NEDD1: variants seen among roughly 807,000 people sequenced by gnomAD.
The protein encoded by NEDD1 is protein NEDD1.
A neutral mutation model predicts 74.0 loss-of-function variants in NEDD1; 33 were observed. That is an observed-to-expected ratio of 0.45 (90% CI 0.34 to 0.60). The LOEUF is 0.60. Ranked by LOEUF, NEDD1 falls within the 20% of genes least tolerant of loss-of-function variation. The pLI is 0.01. For synonymous variants in NEDD1, 250 were observed against 264.4 expected, an observed-to-expected ratio of 0.95 and a Z score of 0.53; for missense variants, 746 against 776.5, an observed-to-expected ratio of 0.96 and a Z score of 0.47.
chr12:96,926,783 A>G, intron 6 of NEDD1, among the ~76,000 whole-genome samples: 1 of 152,014 alleles, frequency 6.6e-6, no homozygotes, highest in East Asian at 1.9e-4. Flanking sequence ...ACTTGAGCCC[A>G]GGAGACCAGC....
chr12:96,909,701 T>A, intron 2 of NEDD1, 51 bp from the exon 3 acceptor site: 4 of 1,457,322 alleles, frequency 2.7e-6, no homozygotes, highest in Non-Finnish European at 3.8e-6. Flanking sequence ...TTTTTTTGAG[T>A]ATGTCTATTC....
In NEDD1 at chr12:96,907,271, C is replaced by G. The variant is rs1388057479; in HGVS notation, c.-291C>G. ...GCCGGAAGCCCAGCGCGGAGCCGGC[C>G]GCGGCCCCCTGTTGTGTTGCTGCGG... On this transcript the variant is annotated 5_prime_UTR_variant, in exon 1 of 16. Transcript: ENST00000266742. 4.0e-6 allele frequency: 1 copy of G among 249,228 alleles called. No individual in the cohort carries two copies. The highest frequency in any genetic ancestry group is 7.6e-6 in the Non-Finnish European group (1 of 132,102). 15.4% of individuals were successfully genotyped at this position (249,228 alleles called of 1,614,324 possible).
At chr12:96,916,109 T>C (rs1184855718) in intron 4 of NEDD1, among the ~76,000 whole-genome samples, 1 of 152,006 alleles carries the variant, frequency 6.6e-6, no homozygotes, top group Non-Finnish European at 1.5e-5. Context: ...TCAGTATGGC[T>C]GGAGAATTAG....
chr12:96,948,233 G>A (rs1031014675), intron 14 of NEDD1, among the ~76,000 whole-genome samples: 1 of 152,076 alleles, frequency 6.6e-6, no homozygotes, highest in Non-Finnish European at 1.5e-5. Flanking sequence ...CAGCCCTCCT[G>A]TTACACTTGT....
chr12:96,932,455 A>AT, intron 6 of NEDD1, among the ~76,000 whole-genome samples: 1 of 13,840 alleles, frequency 7.2e-5, no homozygotes, highest in Non-Finnish European at 1.6e-4. Context: ...AAAAAAAAAA[A>AT]AAAAAAAAAT....
At chr12:96,931,393 G>A (rs1252172262) in intron 6 of NEDD1, among the ~76,000 whole-genome samples, 2 of 152,118 alleles carry the variant, frequency 1.3e-5, no homozygotes, top group African/African-American at 4.8e-5. Flanking sequence ...AATAGGGAAG[G>A]TATTTACAAT....
rs1186193892 is a variant in NEDD1, at chr12:96,923,829, T to TGTGTGTGTGTGA, written c.489+3705_489+3706insTGTGTGTGTGAG. ...GTGTGTGTGTGTGTGTGTGTGTGTG[T>TGTGTGTGTGTGA]GAAACTGTATGCCTGTTTGCGTGTG... is the stretch of plus-strand genomic sequence containing the variant. On this transcript the variant is annotated intron_variant, in intron 6 of 15. Coordinates refer to ENST00000266742, the MANE Select transcript of NEDD1 (RefSeq NM_152905.4). Among the ~76,000 whole-genome samples the TGTGTGTGTGTGA allele has an allele frequency of 4.5e-4, 66 of 147,510 alleles. 1 individual carries two copies. Among genetic ancestry groups the TGTGTGTGTGTGA allele is most frequent in the East Asian group, 1.2e-3 (6 of 5,092 alleles).
chr12:96,920,573 A>G (rs1158348397), intron 6 of NEDD1, among the ~76,000 whole-genome samples: 1 of 152,194 alleles, frequency 6.6e-6, no homozygotes, highest in African/African-American at 2.4e-5. Context: ...TTTTGTAGAT[A>G]TATGATAAAG....
In NEDD1 at chr12:96,937,433, TTTTTTTTG is replaced by T. The variant is rs781718412; in HGVS notation, c.1117+54_1117+61del. On this transcript the variant is annotated intron_variant, in intron 9 of 15. Coordinates refer to ENST00000266742, the MANE Select transcript of NEDD1 (RefSeq NM_152905.4). ...TATATTGTTGGAGGGTTGGTTTGTT[TTTTTTTTG>T]TTTTTTTGTTTTTGGCTTGCATATA... The T allele has an allele frequency of 5.2e-5, 61 of 1,176,304 alleles. No individual in the cohort carries two copies. In the African/African-American group the frequency reaches 1.0e-3, roughly 20 times the overall value. The allele number at this position is 1,176,304 out of a possible 1,614,324, so 72.9% of individuals were successfully genotyped here. A position where few individuals can be genotyped will look rare whatever the true frequency, so the allele number is the denominator to read the frequency against.
chr12:96,937,139 T>C, intron 8 of NEDD1, 59 bp from the exon 9 acceptor site: 1 of 912,104 alleles, frequency 1.1e-6, no homozygotes, highest in Non-Finnish European at 1.6e-6. Flanking sequence ...TTATAAAATA[T>C]TAATGTATAG....
chr12:96,922,373 A>G (rs1222644844), intron 6 of NEDD1, among the ~76,000 whole-genome samples: 1 of 152,206 alleles, frequency 6.6e-6, no homozygotes, highest in Non-Finnish European at 1.5e-5. Flanking sequence ...TAATGTTCAA[A>G]TATCTTTTTT....
intron 9 of NEDD1, among the ~76,000 whole-genome samples, chr12:96,938,516 G>A (rs978428710): frequency 3.9e-5 from 6 of 151,922 alleles, no homozygotes; most frequent in African/African-American, 1.4e-4. Context: ...TAGTTTTATA[G>A]TAAGAAGGCT....
chr12:96,920,056 TG>T lies in NEDD1; in HGVS notation c.422del (p.Gly141ValfsTer8). On this transcript the variant is annotated frameshift_variant, in exon 6 of 16. Transcript: ENST00000266742. LOFTEE classifies it high-confidence loss of function. ...DCYIASGSLS[G>X]EIILHSVTTN... ...GCTACATTGCTTCTGGATCTCTTAG[TG>T]GTGAAATTATTTTACACAGTGTAAC... 6.2e-7 allele frequency: 1 copy of T among 1,603,956 alleles called. No individual in the cohort carries two copies. The highest frequency in any genetic ancestry group is 8.5e-7 in the Non-Finnish European group (1 of 1,171,170).
At chr12:96,935,265 G>T (rs1377814224) in intron 7 of NEDD1, 60 bp downstream of exon 7, 2 of 1,017,866 alleles carry the variant, frequency 2.0e-6, no homozygotes, top group African/African-American at 1.6e-5. Flanking sequence ...CCATTAACAG[G>T]CATATTTGTG....
intron 2 of NEDD1, 97 bp from the exon 3 acceptor site, chr12:96,909,655 G>T: frequency 1.1e-6 from 1 of 929,620 alleles, no homozygotes; most frequent in Non-Finnish European, 1.6e-6. Flanking sequence ...AAAAATGAAT[G>T]AGTTAGAGCC....
intron 4 of NEDD1, among the ~76,000 whole-genome samples, chr12:96,915,343 G>A (rs936876310): frequency 3.3e-5 from 5 of 152,160 alleles, no homozygotes; most frequent in African/African-American, 1.2e-4. Flanking sequence ...AGATTAGCAT[G>A]TTTATAGTAT....
intron 13 of NEDD1, among the ~76,000 whole-genome samples, chr12:96,945,265 G>A (rs249588): frequency 0.51 from 77,873 of 151,784 alleles, 20,638 homozygotes; most frequent in African/African-American, 0.63. Context: ...TCTATATTTT[G>A]CTTGAAGTTT....
intron 6 of NEDD1, among the ~76,000 whole-genome samples, chr12:96,930,037 ATTGT>A (rs1007172005): frequency 1.4e-4 from 21 of 151,908 alleles, no homozygotes; most frequent in Non-Finnish European, 1.9e-4. Context: ...ATGGCTGTTA[ATTGT>A]TTGACCTCTC....
At chr12:96,926,964 G>C (rs1349207471) in intron 6 of NEDD1, among the ~76,000 whole-genome samples, 2 of 143,914 alleles carry the variant, frequency 1.4e-5, no homozygotes, top group African/African-American at 5.2e-5. Context: ...TCCAGCCTGG[G>C]TGACAGAGCG....
Sources: gnomAD v4.1 joint callset for allele counts (sites outside exome capture counted in the v4.1 genomes callset) on GRCh38, gnomAD v4.1.1 for gene constraint, MANE v1.5 for transcripts, NCBI Gene and HGNC (gene_info 2026-07-23, HGNC 2026-07-21) for gene names.